The following AGBL4 variants were observed in gnomAD, a reference collection of about 807,000 sequenced individuals.
AGBL4 encodes cytosolic carboxypeptidase 6.
A neutral mutation model predicts 66.4 loss-of-function variants in AGBL4; 58 were observed. The ratio of observed to expected loss-of-function variants is 0.87; its 90% CI spans 0.71 to 1.09. AGBL4 has a LOEUF of 1.09. Ranked by LOEUF, AGBL4 falls within the 50% of genes least tolerant of loss-of-function variation. The pLI is 0.00. For synonymous variants in AGBL4, 234 were observed against 222.9 expected, an observed-to-expected ratio of 1.05 and a Z score of -0.44; for missense variants, 579 against 631.0, an observed-to-expected ratio of 0.92 and a Z score of 0.88.
chr1:48,546,611 A>G (rs1482110479), intron 11 of AGBL4, among the ~76,000 whole-genome samples: 1 of 152,208 alleles, frequency 6.6e-6, no homozygotes, highest in Non-Finnish European at 1.5e-5. Context: ...CAAGTGAGTG[A>G]AGGCTTTGAA....
chr1:49,777,207 G>T (rs181840499), intron 2 of AGBL4, among the ~76,000 whole-genome samples: 13 of 151,988 alleles, frequency 8.6e-5, no homozygotes, highest in African/African-American at 3.1e-4. Flanking sequence ...ATAGAAACTG[G>T]TGAATTAATT....
intron 11 of AGBL4, among the ~76,000 whole-genome samples, chr1:48,578,480 C>A (rs964855951): frequency 3.2e-4 from 48 of 152,170 alleles, no homozygotes; most frequent in African/African-American, 1.1e-3. Flanking sequence ...CTTAACAAAG[C>A]TTTGACCTTG....
At chr1:49,313,844 T>G (rs1246384073) in intron 3 of AGBL4, among the ~76,000 whole-genome samples, 2 of 152,208 alleles carry the variant, frequency 1.3e-5, no homozygotes, top group Non-Finnish European at 2.9e-5. Flanking sequence ...GATAGTTTGT[T>G]TTGCTGGGCA....
At chr1:49,036,825 C>G (rs1160022818) in intron 5 of AGBL4, among the ~76,000 whole-genome samples, 1 of 149,588 alleles carries the variant, frequency 6.7e-6, no homozygotes. Context: ...TCAGCCTTGT[C>G]TTGGTATCTT....
At chr1:49,530,263 AAAAAAAAAAC>A (rs1405530261) in intron 3 of AGBL4, among the ~76,000 whole-genome samples, 2 of 141,120 alleles carry the variant, frequency 1.4e-5, no homozygotes, top group South Asian at 2.2e-4. Flanking sequence ...AATTTGTAAA[AAAAAAAAAAC>A]AAAAAAAAAC....
intron 3 of AGBL4, among the ~76,000 whole-genome samples, chr1:49,622,969 C>T (rs941124964): frequency 2.0e-5 from 3 of 152,158 alleles, no homozygotes; most frequent in African/African-American, 7.2e-5. Context: ...CCACTCAATT[C>T]CTCTGCAGTA....
rs143414444 is a variant in AGBL4, at chr1:48,800,303, C to A, written c.634+66888G>T. On this transcript the variant is annotated intron_variant, in intron 6 of 13. Coordinates refer to ENST00000371839, the MANE Select transcript of AGBL4 (RefSeq NM_032785.4). ...TTTTATGTAAAGGTGCTCATAGTAG[C>A]CTTGAATGATCTTTGGTATTTCTCT... is the stretch of plus-strand genomic sequence containing the variant. Among the ~76,000 whole-genome samples, 243 of 152,228 alleles carry A rather than the reference C, an allele frequency of 1.6e-3. 2 individuals carry two copies. The highest frequency in any genetic ancestry group is 5.2e-3 in the African/African-American group (215 of 41,550).
chr1:48,543,749 A>G (rs1374414315), intron 11 of AGBL4, among the ~76,000 whole-genome samples: 1 of 152,220 alleles, frequency 6.6e-6, no homozygotes, highest in Non-Finnish European at 1.5e-5. Flanking sequence ...GGGGTTGGAC[A>G]TGGCCTAGGA....
intron 4 of AGBL4, among the ~76,000 whole-genome samples, chr1:49,082,798 T>C (rs1279058595): frequency 2.0e-5 from 3 of 152,122 alleles, no homozygotes; most frequent in Non-Finnish European, 4.4e-5. Flanking sequence ...TAGTCCAACA[T>C]CTCATCTGAA....
At chr1:50,014,764 A>G (rs1381003966) in intron 1 of AGBL4, among the ~76,000 whole-genome samples, 2 of 151,976 alleles carry the variant, frequency 1.3e-5, no homozygotes, top group Admixed American at 1.3e-4. Flanking sequence ...ACCTCAGGTG[A>G]TCCACCTGCC....
intron 3 of AGBL4, among the ~76,000 whole-genome samples, chr1:49,320,302 C>G (rs573330290): frequency 1.3e-5 from 2 of 152,086 alleles, no homozygotes; most frequent in Non-Finnish European, 2.9e-5. Flanking sequence ...GCTGACATTT[C>G]TCTAGCTATG....
chr1:49,635,205 T>C (rs1035751635), intron 3 of AGBL4, among the ~76,000 whole-genome samples: 2 of 152,206 alleles, frequency 1.3e-5, no homozygotes, highest in African/African-American at 4.8e-5. Flanking sequence ...TGCATGTCTC[T>C]CTTTTAATTC....
At chr1:48,945,463 T>G (rs1442109663) in intron 5 of AGBL4, among the ~76,000 whole-genome samples, 4 of 152,112 alleles carry the variant, frequency 2.6e-5, no homozygotes. Flanking sequence ...ACACCTGGGG[T>G]AGACATGCAG....
At chr1:48,837,678 ACACACACACG>A (rs1227306922) in intron 6 of AGBL4, among the ~76,000 whole-genome samples, 14 of 137,812 alleles carry the variant, frequency 1.0e-4, no homozygotes, top group Admixed American at 3.6e-4. Flanking sequence ...ACACACACAC[ACACACACACG>A]CACACACACG....
chr1:48,725,454 A>T (rs1647220818), intron 6 of AGBL4, among the ~76,000 whole-genome samples: 1 of 152,372 alleles, frequency 6.6e-6, no homozygotes, highest in East Asian at 1.9e-4. Flanking sequence ...ATAAAACTGC[A>T]AATGTTTATA....
chr1:48,697,694 A>G (rs1202389769), intron 6 of AGBL4, among the ~76,000 whole-genome samples: 2 of 152,206 alleles, frequency 1.3e-5, no homozygotes, highest in Non-Finnish European at 2.9e-5. Context: ...AAATCACACT[A>G]TGTAACCATT....
At chr1:48,804,888 G>C (rs1645888748) in intron 6 of AGBL4, among the ~76,000 whole-genome samples, 1 of 152,162 alleles carries the variant, frequency 6.6e-6, no homozygotes, top group Non-Finnish European at 1.5e-5. Flanking sequence ...TGTTTGCTGG[G>C]GATGGAAGCA....
intron 6 of AGBL4, among the ~76,000 whole-genome samples, chr1:48,732,735 C>T (rs186542323): frequency 6.6e-6 from 1 of 152,210 alleles, no homozygotes; most frequent in East Asian, 1.9e-4. Flanking sequence ...TCATCTGTAA[C>T]AGGTGAGGAG....
intron 1 of AGBL4, among the ~76,000 whole-genome samples, chr1:49,939,419 A>G (rs1314217085): frequency 6.6e-6 from 1 of 152,202 alleles, no homozygotes; most frequent in East Asian, 1.9e-4. Flanking sequence ...AAAAGAACAA[A>G]GCTGGAGGCA....
Sources: allele counts gnomAD v4.1 joint callset (sites outside exome capture counted in the v4.1 genomes callset), GRCh38; gene constraint gnomAD v4.1.1; transcripts MANE v1.5; gene names NCBI Gene and HGNC (gene_info 2026-07-23, HGNC 2026-07-21).